The following IMMP2L variants were observed in gnomAD, a reference collection of about 807,000 sequenced individuals.
IMMP2L encodes inner mitochondrial membrane peptidase subunit 2.
IMMP2L carries 18 observed loss-of-function variants against 19.3 expected under a neutral mutation model. The ratio of observed to expected loss-of-function variants is 0.93; its 90% CI spans 0.64 to 1.38. IMMP2L has a LOEUF of 1.38. Ranked by LOEUF, IMMP2L falls within the 40% of genes most tolerant of loss-of-function variation. The pLI is 0.00. For synonymous variants in IMMP2L, 76 were observed against 73.0 expected (o/e 1.04, Z -0.21); for missense variants, 233 against 218.2 (o/e 1.07, Z -0.43).
At chr7:110,748,474 C>T (rs911195796) in intron 5 of IMMP2L, among the ~76,000 whole-genome samples, 3 of 152,156 alleles carry the variant, frequency 2.0e-5, no homozygotes, top group Admixed American at 6.5e-5. Context: ...AACCTGGAGG[C>T]ATCACGCTAC....
At chr7:110,998,658 G>A (rs1823296005) in intron 3 of IMMP2L, among the ~76,000 whole-genome samples, 1 of 152,164 alleles carries the variant, frequency 6.6e-6, no homozygotes, top group Admixed American at 6.6e-5. Context: ...GGAATGACTG[G>A]AAAGTTGGAC....
intron 5 of IMMP2L, among the ~76,000 whole-genome samples, chr7:110,677,238 T>G (rs1414567873): frequency 2.0e-5 from 3 of 151,884 alleles, no homozygotes; most frequent in Admixed American, 6.6e-5. Flanking sequence ...TTTAAGTAAA[T>G]CAAACAGAAT....
At chr7:110,733,425 C>G (rs1032024200) in intron 5 of IMMP2L, among the ~76,000 whole-genome samples, 2 of 151,080 alleles carry the variant, frequency 1.3e-5, no homozygotes, top group Non-Finnish European at 2.9e-5. Context: ...AGTTGCAACA[C>G]TCTACTTCAC....
At chr7:111,394,323 A>G (rs1182854455) in intron 3 of IMMP2L, among the ~76,000 whole-genome samples, 2 of 152,174 alleles carry the variant, frequency 1.3e-5, no homozygotes, top group African/African-American at 2.4e-5. Flanking sequence ...TAAATGTAGT[A>G]TAACAGATTT....
chr7:111,559,954 CAAG>C (rs756335996), intron 1 of IMMP2L, among the ~76,000 whole-genome samples: 13 of 151,384 alleles, frequency 8.6e-5, no homozygotes, highest in Admixed American at 2.0e-4. Context: ...GGTAAATAGC[CAAG>C]AAGAAGGAGA....
chr7:111,101,800 A>T (rs1285917364), intron 3 of IMMP2L, among the ~76,000 whole-genome samples: 1 of 151,428 alleles, frequency 6.6e-6, no homozygotes, highest in Admixed American at 6.6e-5. Context: ...GTAATAATGT[A>T]AGGCTGTGGT....
chr7:110,721,125 G>A (rs1745810863), intron 5 of IMMP2L, among the ~76,000 whole-genome samples: 1 of 151,754 alleles, frequency 6.6e-6, no homozygotes, highest in African/African-American at 2.4e-5. Context: ...CCTACATCTA[G>A]TATCATCACT....
At chr7:111,070,949 T>C (rs1794900316) in intron 3 of IMMP2L, among the ~76,000 whole-genome samples, 1 of 152,222 alleles carries the variant, frequency 6.6e-6, no homozygotes, top group African/African-American at 2.4e-5. Context: ...AAAACATTTG[T>C]ACTTTTTAAA....
At chr7:111,052,757 A>G (rs746582619) in intron 3 of IMMP2L, among the ~76,000 whole-genome samples, 2 of 152,126 alleles carry the variant, frequency 1.3e-5, no homozygotes, top group Non-Finnish European at 2.9e-5. Context: ...TTTGGTCACT[A>G]GTATCAATAG....
intron 5 of IMMP2L, among the ~76,000 whole-genome samples, chr7:110,687,234 C>T (rs571968802): frequency 2.0e-5 from 3 of 152,218 alleles, no homozygotes; most frequent in Admixed American, 2.0e-4. Context: ...CATCTCTCAA[C>T]ATCCAGGAAC....
At position 111,238,714 on chromosome 7, in the gene IMMP2L, C is replaced by G. The variant is rs111908477; in HGVS notation, c.239+248524G>C. On this transcript the variant is annotated intron_variant, in intron 3 of 5. Coordinates refer to ENST00000405709, the MANE Select transcript of IMMP2L (RefSeq NM_032549.4). ...CTGAAGTGAAAGCTGATCTAACACA[C>G]ACTTGTTACATAGAAAAATAGTTCT... 3.5e-3 allele frequency among the ~76,000 whole-genome samples: 532 copies of G among 152,048 alleles called. 2 individuals are homozygous for G. Among genetic ancestry groups the G allele is most frequent in the African/African-American group, 0.012 (503 of 41,536 alleles).
chr7:111,413,341 A>G (rs1201626733), intron 3 of IMMP2L, among the ~76,000 whole-genome samples: 1 of 152,134 alleles, frequency 6.6e-6, no homozygotes, highest in Non-Finnish European at 1.5e-5. Context: ...AAGAAGAAAT[A>G]CTTCCCAGCT....
chr7:111,453,835 T>C (rs1839440345), intron 3 of IMMP2L, among the ~76,000 whole-genome samples: 1 of 152,188 alleles, frequency 6.6e-6, no homozygotes, highest in African/African-American at 2.4e-5. Flanking sequence ...TATAAAATGA[T>C]TGCCTTATAA....
At chr7:110,982,899 A>G (rs1821451747) in intron 3 of IMMP2L, among the ~76,000 whole-genome samples, 1 of 152,140 alleles carries the variant, frequency 6.6e-6, no homozygotes, top group African/African-American at 2.4e-5. Flanking sequence ...ATCACATGAT[A>G]GAACCATTAA....
chr7:110,804,309 A>G (rs1801468454), intron 5 of IMMP2L, among the ~76,000 whole-genome samples: 1 of 151,928 alleles, frequency 6.6e-6, no homozygotes, highest in Admixed American at 6.6e-5. Context: ...CCTCCTATAC[A>G]CCAAATATTT....
At chr7:110,744,302 T>C (rs1271294650) in intron 5 of IMMP2L, among the ~76,000 whole-genome samples, 1 of 152,008 alleles carries the variant, frequency 6.6e-6, no homozygotes, top group Non-Finnish European at 1.5e-5. Context: ...CTGGGGAAAG[T>C]GGTGGTTGTA....
intron 5 of IMMP2L, among the ~76,000 whole-genome samples, chr7:110,820,337 G>T (rs1439533620): frequency 2.6e-5 from 4 of 151,906 alleles, no homozygotes; most frequent in Non-Finnish European, 5.9e-5. Context: ...TTTACCCTGA[G>T]ATCTAATATG....
Position 110,963,018 on chromosome 7 carries a change from T to C in IMMP2L, c.305+482A>G, listed in dbSNP as rs1311074399. Reference sequence around the variant, plus strand: ...TAAACACCTGATTGTTACAATCTTATCATCTAAAGCTTTCATTCTTGTCAC... The same window carrying C: ...TAAACACCTGATTGTTACAATCTTACCATCTAAAGCTTTCATTCTTGTCAC... On this transcript the variant is annotated intron_variant, in intron 4 of 5. Coordinates refer to ENST00000405709, the MANE Select transcript of IMMP2L (RefSeq NM_032549.4). The C allele has an allele frequency of 2.0e-6, 3 of 1,509,744 alleles. No homozygotes were observed. In the East Asian group the frequency reaches 7.4e-5, roughly 37 times the overall value. The allele number at this position is 1,509,744 out of a possible 1,614,324, so 93.5% of individuals were successfully genotyped here.
At position 110,793,145 on chromosome 7, in the gene IMMP2L, C is replaced by T. The variant is rs368379601; in HGVS notation, c.408+93448G>A. Among the ~76,000 whole-genome samples, 26 of 152,138 alleles carry T rather than the reference C, an allele frequency of 1.7e-4. No individual in the cohort carries two copies. The East Asian group carries it at 3.9e-3, about 23-fold the overall frequency. ...CCCCTGAAGAACTTATCCAGCTGAG[C>T]GTGATGGCTCACACCTGTAATCCCA... On this transcript the variant is annotated intron_variant, in intron 5 of 5. Transcript: ENST00000405709.
Sources: gnomAD v4.1 joint callset for allele counts (sites outside exome capture counted in the v4.1 genomes callset) on GRCh38, gnomAD v4.1.1 for gene constraint, MANE v1.5 for transcripts, NCBI Gene and HGNC (gene_info 2026-07-23, HGNC 2026-07-21) for gene names.